Variants in LPAR1 observed in about 807,000 individuals in gnomAD.
LPAR1 encodes the protein lysophosphatidic acid receptor 1.
A neutral mutation model predicts 23.8 loss-of-function variants in LPAR1; 5 were observed. That is an observed-to-expected ratio of 0.21 (90% confidence interval 0.11 to 0.44). The LOEUF (loss-of-function observed/expected upper bound fraction) is 0.44, where lower values mean the gene tolerates loss of function less well. LPAR1 is among the 20% of genes least tolerant of loss of function. The pLI is 0.99. For synonymous variants in LPAR1, 160 were observed against 164.7 expected, an observed-to-expected ratio of 0.97 and a Z score of 0.22; for missense variants, 311 against 482.8, an observed-to-expected ratio of 0.64 and a Z score of 3.33.
intron 2 of LPAR1, among the ~76,000 whole-genome samples, chr9:111,016,533 T>TA (rs1357909050): frequency 6.6e-6 from 1 of 152,164 alleles, no homozygotes; most frequent in Non-Finnish European, 1.5e-5. Flanking sequence ...CTCCCTGAAG[T>TA]AAAAAGACTC....
intron 4 of LPAR1, among the ~76,000 whole-genome samples, chr9:110,943,851 C>A (rs914288691): frequency 4.3e-5 from 6 of 141,052 alleles, no homozygotes; most frequent in Admixed American, 3.6e-4. Flanking sequence ...CAAAGCAAGA[C>A]CCCAACTCCA....
intron 4 of LPAR1, among the ~76,000 whole-genome samples, chr9:110,965,833 T>C (rs936235900): frequency 3.3e-5 from 5 of 152,364 alleles, no homozygotes; most frequent in Non-Finnish European, 1.5e-5. Context: ...CGCATGTTTA[T>C]TGTAGCACTA....
rs57480763 is a variant in LPAR1, at chr9:111,016,409, A to C, written c.-182+19713T>G. 4.6e-4 allele frequency among the ~76,000 whole-genome samples: 70 copies of C among 152,298 alleles called. No individual in the cohort carries two copies. The East Asian group carries it at 7.7e-3, about 17-fold the overall frequency. On this transcript the variant is annotated intron_variant, in intron 2 of 5. Coordinates refer to ENST00000683809, the MANE Select transcript of LPAR1 (RefSeq NM_001351411.2). ...TGTCTATGCTGACTTTTGAAACTTG[A>C]CCTGAACAAATAAACTGTATGTGGG...
At chr9:110,895,747 C>T (rs561855934) in intron 5 of LPAR1, among the ~76,000 whole-genome samples, 1 of 152,240 alleles carries the variant, frequency 6.6e-6, no homozygotes, top group East Asian at 1.9e-4. Context: ...AGCTGGGCAG[C>T]TGGGCAAAGG....
chr9:110,945,907 C>T (rs754915214), intron 4 of LPAR1, among the ~76,000 whole-genome samples: 3 of 152,144 alleles, frequency 2.0e-5, no homozygotes, highest in African/African-American at 7.2e-5. Flanking sequence ...ACACTGAGCC[C>T]ACCCAAAAAT....
intron 2 of LPAR1, among the ~76,000 whole-genome samples, chr9:110,973,943 G>T (rs2096490950): frequency 6.6e-6 from 1 of 152,160 alleles, no homozygotes; most frequent in Non-Finnish European, 1.5e-5. Context: ...GGCCAGTGGG[G>T]GCAGATCATT....
intron 2 of LPAR1, among the ~76,000 whole-genome samples, chr9:111,001,259 G>C (rs905334914): frequency 6.6e-6 from 1 of 152,178 alleles, no homozygotes; most frequent in African/African-American, 2.4e-5. Context: ...TAAATTCAAA[G>C]TCCAAGGAAG....
intron 2 of LPAR1, among the ~76,000 whole-genome samples, chr9:110,973,927 T>C (rs953506200): frequency 3.9e-5 from 6 of 152,152 alleles, no homozygotes; most frequent in African/African-American, 1.4e-4. Context: ...TCTCAAAACT[T>C]TGGGAGGCCA....
intron 4 of LPAR1, among the ~76,000 whole-genome samples, chr9:110,953,619 T>C (rs1348183004): frequency 6.7e-6 from 1 of 149,416 alleles, no homozygotes; most frequent in African/African-American, 2.5e-5. Flanking sequence ...GCCAAGATCG[T>C]GCCATGTCAC....
intron 5 of LPAR1, among the ~76,000 whole-genome samples, chr9:110,922,732 A>C (rs1205737538): frequency 6.6e-6 from 1 of 151,744 alleles, no homozygotes; most frequent in African/African-American, 2.4e-5. Context: ...CGTCATGGGA[A>C]TATTACTTAG....
At chr9:111,015,315 C>T (rs530663557) in intron 2 of LPAR1, among the ~76,000 whole-genome samples, 2 of 152,246 alleles carry the variant, frequency 1.3e-5, no homozygotes, top group South Asian at 4.1e-4. Context: ...CACTATCACT[C>T]CTCCCCCTCC....
rs1247818948 is a variant in LPAR1, at chr9:111,014,216, T to C, written c.-182+21906A>G. Among the ~76,000 whole-genome samples the C allele has an allele frequency of 2.0e-5, 3 of 152,190 alleles. No homozygotes were observed. In the East Asian group the frequency reaches 5.8e-4, roughly 29 times the overall value. ...CTCCAAACTGCCTGTTCTGCTCCCA[T>C]TCACAACCTCCAGAGGCCTTGTGGG... On this transcript the variant is annotated intron_variant, in intron 2 of 5. Transcript: ENST00000683809.
At chr9:110,943,696 C>A (rs894381652) in intron 4 of LPAR1, among the ~76,000 whole-genome samples, 1 of 151,886 alleles carries the variant, frequency 6.6e-6, no homozygotes, top group Non-Finnish European at 1.5e-5. Flanking sequence ...CCCCTCTCTA[C>A]TAAAAATACA....
intron 5 of LPAR1, among the ~76,000 whole-genome samples, chr9:110,877,896 A>T (rs898224451): frequency 6.6e-6 from 1 of 152,186 alleles, no homozygotes; most frequent in African/African-American, 2.4e-5. Context: ...AGAGAATTCA[A>T]ACACTGTCAT....
chr9:110,919,349 C>A (rs1339154164), intron 5 of LPAR1, among the ~76,000 whole-genome samples: 1 of 152,082 alleles, frequency 6.6e-6, no homozygotes, highest in African/African-American at 2.4e-5. Context: ...GAACTTGAAG[C>A]AGATCCTTCC....
chr9:110,910,067 C>T (rs969434525), intron 5 of LPAR1, among the ~76,000 whole-genome samples: 7 of 152,034 alleles, frequency 4.6e-5, no homozygotes, highest in African/African-American at 1.7e-4. Flanking sequence ...ATTTTTAGAG[C>T]AGGTTAGTTT....
intron 2 of LPAR1, among the ~76,000 whole-genome samples, chr9:110,990,864 A>C (rs2096879913): frequency 6.6e-6 from 1 of 152,150 alleles, no homozygotes; most frequent in Non-Finnish European, 1.5e-5. Flanking sequence ...ATAAATGACT[A>C]ATAATAAAAT....
intron 2 of LPAR1, among the ~76,000 whole-genome samples, chr9:111,001,176 C>A (rs2097121938): frequency 6.6e-6 from 1 of 152,108 alleles, no homozygotes; most frequent in South Asian, 2.1e-4. Context: ...TTCAATGAAA[C>A]AAGACAACAA....
At chr9:110,942,431 T>C (rs749766946) in intron 4 of LPAR1, among the ~76,000 whole-genome samples, 6 of 152,196 alleles carry the variant, frequency 3.9e-5, no homozygotes, top group Non-Finnish European at 7.4e-5. Flanking sequence ...TGAAGTCTAC[T>C]ACAAAAGCCA....
Sources: allele counts gnomAD v4.1 joint callset (sites outside exome capture counted in the v4.1 genomes callset), GRCh38; gene constraint gnomAD v4.1.1; transcripts MANE v1.5; gene names NCBI Gene and HGNC (gene_info 2026-07-23, HGNC 2026-07-21).